The following RPS6KC1 variants were observed in gnomAD, a reference collection of about 807,000 sequenced individuals.
The protein encoded by RPS6KC1 is inactive ribosomal protein S6 kinase delta-1.
In RPS6KC1, 54 loss-of-function variants were observed where a neutral mutation model predicts 103.8. The ratio of observed to expected loss-of-function variants is 0.52; its 90% CI spans 0.42 to 0.65. The LOEUF (loss-of-function observed/expected upper bound fraction) is 0.65. Ranked by LOEUF, RPS6KC1 falls within the 30% of genes least tolerant of loss-of-function variation. The pLI is 0.00. For missense variants in RPS6KC1, 1,151 were observed against 1,253.8 expected, an observed-to-expected ratio of 0.92 and a Z score of 1.24; for synonymous variants, 439 against 438.7, an observed-to-expected ratio of 1.00 and a Z score of -0.01.
intron 14 of RPS6KC1, among the ~76,000 whole-genome samples, chr1:213,264,515 G>A (rs1361672249): frequency 1.3e-5 from 2 of 152,058 alleles, no homozygotes; most frequent in African/African-American, 4.8e-5. Flanking sequence ...CTCATAATAA[G>A]TTACCAAGTT....
At chr1:213,516,494 T>G in the RPS6KC1 span, among the ~76,000 whole-genome samples, 2 of 152,148 alleles carry the variant, frequency 1.3e-5, no homozygotes, top group African/African-American at 2.4e-5. Flanking sequence ...TAATCATGTG[T>G]TTTTTGTCGT....
the RPS6KC1 span, among the ~76,000 whole-genome samples, chr1:213,484,366 C>T: frequency 0.05 from 7,545 of 152,242 alleles, 607 homozygotes; most frequent in African/African-American, 0.16. Flanking sequence ...GATCTTCTTC[C>T]ATGCTCACCC....
At chr1:213,837,742 C>T in the RPS6KC1 span, among the ~76,000 whole-genome samples, 1 of 152,112 alleles carries the variant, frequency 6.6e-6, no homozygotes. Context: ...TAACTTTTAC[C>T]TCTATTTTAT....
the RPS6KC1 span, among the ~76,000 whole-genome samples, chr1:213,850,884 T>C: frequency 6.6e-6 from 1 of 152,144 alleles, no homozygotes; most frequent in Non-Finnish European, 1.5e-5. Flanking sequence ...ACAATCTAGT[T>C]AGCTGATTTC....
chr1:213,229,303 C>A (rs2094032154), intron 8 of RPS6KC1, among the ~76,000 whole-genome samples: 1 of 151,952 alleles, frequency 6.6e-6, no homozygotes, highest in Non-Finnish European at 1.5e-5. Flanking sequence ...TTTAAAAATT[C>A]TTCTATTTTT....
the RPS6KC1 span, among the ~76,000 whole-genome samples, chr1:213,701,102 G>A: frequency 6.6e-6 from 1 of 152,030 alleles, no homozygotes; most frequent in African/African-American, 2.4e-5. Flanking sequence ...TTGAATAACA[G>A]TTGTGTAAGT....
At chr1:213,410,500 G>C in the RPS6KC1 span, among the ~76,000 whole-genome samples, 1 of 152,128 alleles carries the variant, frequency 6.6e-6, no homozygotes, top group African/African-American at 2.4e-5. Context: ...TTTAAGGAGA[G>C]AGAAAATATC....
chr1:213,397,582 A>AACACAGACAC, the RPS6KC1 span, among the ~76,000 whole-genome samples: 1 of 89,020 alleles, frequency 1.1e-5, no homozygotes, highest in Non-Finnish European at 2.5e-5. Context: ...AAGAGTCAGG[A>AACACAGACAC]ACACATACAC....
chr1:213,428,485 CCTTCCTT>C, the RPS6KC1 span, among the ~76,000 whole-genome samples: 2 of 53,224 alleles, frequency 3.8e-5, no homozygotes, highest in African/African-American at 1.8e-4. Flanking sequence ...TCCCTCCCTT[CCTTCCTT>C]CCTTCCTTCC....
At chr1:213,498,230 T>C in the RPS6KC1 span, among the ~76,000 whole-genome samples, 1 of 152,166 alleles carries the variant, frequency 6.6e-6, no homozygotes, top group East Asian at 1.9e-4. Context: ...ATGATGAATA[T>C]ATGCTAAAAG....
At chr1:213,567,356 C>T in the RPS6KC1 span, among the ~76,000 whole-genome samples, 1 of 152,140 alleles carries the variant, frequency 6.6e-6, no homozygotes, top group Admixed American at 6.6e-5. Context: ...CATTTCACTT[C>T]TTTGTATCAT....
the RPS6KC1 span, among the ~76,000 whole-genome samples, chr1:213,646,415 G>A: frequency 6.6e-6 from 1 of 152,192 alleles, no homozygotes; most frequent in African/African-American, 2.4e-5. Flanking sequence ...AGTGGCCAAT[G>A]AGAAGTATCT....
chr1:213,802,641 G>C, the RPS6KC1 span, among the ~76,000 whole-genome samples: 1 of 151,880 alleles, frequency 6.6e-6, no homozygotes, highest in African/African-American at 2.4e-5. Context: ...CTTAGGAAAA[G>C]AAGACATTTC....
intron 8 of RPS6KC1, among the ~76,000 whole-genome samples, chr1:213,189,205 T>C (rs1029291435): frequency 6.6e-5 from 10 of 151,996 alleles, no homozygotes; most frequent in Admixed American, 6.5e-4. Flanking sequence ...TCCCAGCACT[T>C]TGAGAGGCCG....
At chr1:213,277,409 G>A (rs939981750), downstream of RPS6KC1, among the ~76,000 whole-genome samples, 1 of 152,216 alleles carries the variant, frequency 6.6e-6, no homozygotes. Flanking sequence ...TGGAGGCAGA[G>A]AGAATTTGTG....
At chr1:213,566,026 C>G in the RPS6KC1 span, among the ~76,000 whole-genome samples, 1 of 150,760 alleles carries the variant, frequency 6.6e-6, no homozygotes, top group Non-Finnish European at 1.5e-5. Context: ...TGCACACACA[C>G]AAACACCCCA....
chr1:213,114,889 C>G (rs1381594284), intron 4 of RPS6KC1, among the ~76,000 whole-genome samples: 1 of 152,154 alleles, frequency 6.6e-6, no homozygotes, highest in Non-Finnish European at 1.5e-5. Context: ...AGCCTTGCAT[C>G]TCAGGGATGA....
At chr1:213,188,966 A>T (rs1230204316) in intron 8 of RPS6KC1, among the ~76,000 whole-genome samples, 1 of 152,136 alleles carries the variant, frequency 6.6e-6, no homozygotes, top group Non-Finnish European at 1.5e-5. Context: ...TGATTTCATG[A>T]CTTTACAGTA....
At chr1:213,648,399 G>A in the RPS6KC1 span, among the ~76,000 whole-genome samples, 1 of 152,072 alleles carries the variant, frequency 6.6e-6, no homozygotes, top group East Asian at 1.9e-4. Context: ...CATCATCTTG[G>A]TGCAATGTCT....
Sources: gnomAD v4.1 joint callset for allele counts (sites outside exome capture counted in the v4.1 genomes callset) on GRCh38, gnomAD v4.1.1 for gene constraint, MANE v1.5 for transcripts, NCBI Gene and HGNC (gene_info 2026-07-23, HGNC 2026-07-21) for gene names.